Variants in SH2D3C observed in about 807,000 individuals in gnomAD.
The protein encoded by SH2D3C is SH2 domain containing 3C.
In SH2D3C, 25 loss-of-function variants were observed where a neutral mutation model predicts 75.2. The observed-to-expected ratio is 0.33, with a 90% CI of 0.24 to 0.46. The LOEUF (loss-of-function observed/expected upper bound fraction) is 0.46, where lower values mean the gene tolerates loss of function less well. Among genes scored for constraint, SH2D3C ranks in the 20% least tolerant of loss-of-function variants. The pLI, the probability that SH2D3C is intolerant of heterozygous loss-of-function variation, is 1.00. For synonymous variants in SH2D3C, 450 were observed against 473.7 expected (o/e 0.95, Z 0.65); for missense variants, 933 against 1,165.3 (o/e 0.80, Z 2.90).
In SH2D3C at chr9:127,751,090, G is replaced by T; in HGVS notation, c.684+82C>A. 1.4e-6 allele frequency: 2 copies of T among 1,416,932 alleles called. No individual in the cohort carries two copies. The highest frequency in any genetic ancestry group is 1.4e-5 in the African/African-American group (1 of 70,852). 87.8% of individuals were successfully genotyped at this position (1,416,932 alleles called of 1,614,324 possible). A position where few individuals can be genotyped will look rare whatever the true frequency, so the allele number is the denominator to read the frequency against. ...CCAAGCAACAGGTCAGAGCCTCCCA[G>T]GTGGCTGCAGCCAGGGCTGGGGCTG... On this transcript the variant is annotated intron_variant, in intron 4 of 11. Transcript: ENST00000314830. This position sits in a 1 kb window ranked among gnomAD's most constrained non-coding sequence, Gnocchi z 4.1.
intron 2 of SH2D3C, chr9:127,771,086 C>G: frequency 6.3e-6 from 6 of 947,690 alleles, no homozygotes; most frequent in Non-Finnish European, 9.2e-6. Flanking sequence ...TGATGCTAAC[C>G]CCGCCCCCAA....
chr9:127,764,582 C>G (rs1405791389), intron 2 of SH2D3C, among the ~76,000 whole-genome samples: 4 of 152,206 alleles, frequency 2.6e-5, no homozygotes, highest in East Asian at 1.9e-4. Context: ...CACACTCCCC[C>G]TCACCTGCGC....
At chr9:127,763,206 C>T (rs1216387765) in intron 2 of SH2D3C, among the ~76,000 whole-genome samples, 1 of 152,216 alleles carries the variant, frequency 6.6e-6, no homozygotes, top group Non-Finnish European at 1.5e-5. Flanking sequence ...GAGAAGCCTT[C>T]CCTGACCTCC....
chr9:127,747,404 G>C, intron 5 of SH2D3C, 133 bp from the exon 6 acceptor site: 1 of 825,496 alleles, frequency 1.2e-6, no homozygotes, highest in Non-Finnish European at 1.8e-6. Flanking sequence ...CCAACCTCCC[G>C]ACTGACAGGT....
At chr9:127,765,335 T>G (rs1845613824) in intron 2 of SH2D3C, among the ~76,000 whole-genome samples, 1 of 152,238 alleles carries the variant, frequency 6.6e-6, no homozygotes, top group Admixed American at 6.5e-5. Context: ...ATGCAGGGAC[T>G]AGCTCCTCTC....
At chr9:127,767,610 C>T (rs561046191) in intron 2 of SH2D3C, among the ~76,000 whole-genome samples, 1 of 152,296 alleles carries the variant, frequency 6.6e-6, no homozygotes, top group East Asian at 1.9e-4. Context: ...CCTGAGAGGG[C>T]CCTCGGCTGG....
At chr9:127,752,775 G>C (rs2131764991) in intron 3 of SH2D3C, among the ~76,000 whole-genome samples, 1 of 152,278 alleles carries the variant, frequency 6.6e-6, no homozygotes, top group South Asian at 2.1e-4. Context: ...AGGACCCAAG[G>C]TGGCCTCTGC....
rs774581895 is a variant in SH2D3C at position 127,749,291 on chromosome 9, G to T, written c.1059C>A (p.Ser353Arg). 1.2e-5 allele frequency: 19 copies of T among 1,609,056 alleles called. No homozygotes were observed. The highest frequency in any genetic ancestry group is 1.4e-5 in the Non-Finnish European group (17 of 1,177,348). The part of the protein sequence containing the change: ...SPVSPSGPKG[S>R]HMKRRSVTMT... The stretch of plus-strand genomic sequence containing the variant: ...TGGTGACGCTGCGCCGCTTCATGTG[G>T]CTGCCCTTGGGGCCTGAGGGGCTGA... Residue 353 changes from serine (S) to arginine (R), a missense_variant, in exon 5 of 12, where the codon AGC (serine) becomes AGA (arginine). Ser to Arg is a moderately radical substitution (Grantham distance 110). Coordinates refer to ENST00000314830, the MANE Select transcript of SH2D3C (RefSeq NM_170600.3). This position sits in a 1 kb window ranked among gnomAD's most constrained non-coding sequence, Gnocchi z 5.9.
chr9:127,755,059 G>A (rs1845332871), intron 3 of SH2D3C: 1 of 1,171,638 alleles, frequency 8.5e-7, no homozygotes, highest in East Asian at 3.7e-5. Flanking sequence ...CGCGTGGCGG[G>A]GGCCGAGCCG....
In SH2D3C at chr9:127,774,389, A is replaced by G. The variant is rs770570265; in HGVS notation, c.116T>C (p.Ile39Thr). 19 of 1,613,822 alleles carry G rather than the reference A, an allele frequency of 1.2e-5. No homozygotes were observed. The highest frequency in any genetic ancestry group is 1.6e-5 in the Non-Finnish European group (19 of 1,179,848). Reference protein sequence around the residue: ...SFTLRRSSASISRQSHLEPDT... With the variant: ...SFTLRRSSASTSRQSHLEPDT... Reference sequence around the variant, plus strand: ...AGGCTCCAAATGGGACTGCCTACTGATGGAAGCTGAGGATCGTCTCAGAGT... The same window carrying G: ...AGGCTCCAAATGGGACTGCCTACTGGTGGAAGCTGAGGATCGTCTCAGAGT... The change falls in exon 2 of 12, where the codon ATC becomes ACC. Residue 39 changes from isoleucine (I) to threonine (T), a missense_variant. Coordinates refer to ENST00000314830, the MANE Select transcript of SH2D3C (RefSeq NM_170600.3). The surrounding 1 kb of genome is among the most constrained non-coding windows in gnomAD (Gnocchi z 4.3).
At chr9:127,778,239 C>T (rs1238477512) in intron 1 of SH2D3C, among the ~76,000 whole-genome samples, 11 of 150,922 alleles carry the variant, frequency 7.3e-5, no homozygotes, top group Admixed American at 4.0e-4. Flanking sequence ...CCACCAGCCT[C>T]GGCCTCCCAA....
chr9:127,770,984 C>A (rs902499588), intron 2 of SH2D3C, among the ~76,000 whole-genome samples: 1 of 152,186 alleles, frequency 6.6e-6, no homozygotes, highest in African/African-American at 2.4e-5. Context: ...AGTAGTACCT[C>A]CCTCCTGGGG....
chr9:127,743,898 C>T (rs558058866), intron 7 of SH2D3C, among the ~76,000 whole-genome samples: 194 of 151,402 alleles, frequency 1.3e-3, no homozygotes, highest in African/African-American at 4.6e-3. Flanking sequence ...GCGGTGGGGG[C>T]AGAGAGTCAG....
chr9:127,771,853 A>G (rs1285101554), intron 2 of SH2D3C, among the ~76,000 whole-genome samples: 1 of 152,260 alleles, frequency 6.6e-6, no homozygotes, highest in African/African-American at 2.4e-5. Flanking sequence ...AGTTCTACTA[A>G]TCGTAAATAC....
Position 127,771,426 on chromosome 9 carries a change from C to G in SH2D3C, c.515+2564G>C, listed in dbSNP as rs1054050079. 2.1e-5 allele frequency: 26 copies of G among 1,258,866 alleles called. No individual in the cohort carries two copies. The East Asian group carries it at 5.0e-4, about 24-fold the overall frequency. 78.0% of individuals were successfully genotyped at this position (1,258,866 alleles called of 1,614,324 possible). On this transcript the variant is annotated intron_variant, in intron 2 of 11. Transcript: ENST00000314830. Reference sequence around the variant, plus strand: ...CGCCTACTCCACCGGCAGGGAAGGACGCTCTCCGCCTCGAACACGGCCCTC... The same window carrying G: ...CGCCTACTCCACCGGCAGGGAAGGAGGCTCTCCGCCTCGAACACGGCCCTC...
Position 127,739,021 on chromosome 9 carries a change from C to T in SH2D3C, c.2408-100G>A, listed in dbSNP as rs1011872167. 2.1e-5 allele frequency: 23 copies of T among 1,078,328 alleles called. No homozygotes were observed. Among genetic ancestry groups the T allele is most frequent in the Non-Finnish European group, 2.5e-5 (20 of 791,400 alleles). 66.8% of individuals were successfully genotyped at this position (1,078,328 alleles called of 1,614,324 possible). On this transcript the variant is annotated intron_variant, in intron 11 of 11. Coordinates refer to ENST00000314830, the MANE Select transcript of SH2D3C (RefSeq NM_170600.3). This position sits in a 1 kb window ranked among gnomAD's most constrained non-coding sequence, Gnocchi z 4.3. ...CCTGTTAGGGACCTCCCCTCAACTC[C>T]GCCAGGGATCCAACAAGGTTTGTGA...
Position 127,778,617 on chromosome 9 carries a change from C to A in SH2D3C, c.11G>T (p.Gly4Val), listed in dbSNP as rs1829083572. The A allele has an allele frequency of 6.2e-7, 1 of 1,613,924 alleles. No homozygotes were observed. The highest frequency in any genetic ancestry group is 8.5e-7 in the Non-Finnish European group (1 of 1,179,822). ...GAACTTTTTGCTGGTCTTCTTGGTC[C>A]CCTCTGTCATCTTGGCAAATTGTGT... MTEGTKKTSKKFKF... is the reference protein window; with the variant it reads MTEVTKKTSKKFKF... Residue 4 changes from glycine to valine, a missense_variant, in exon 1 of 12, where the codon GGG becomes GTG. Coordinates refer to ENST00000314830, the MANE Select transcript of SH2D3C (RefSeq NM_170600.3).
At chr9:127,745,250 C>CGATTG (rs1377359853) in intron 6 of SH2D3C, 151 bp from the exon 7 acceptor site, 1 of 594,012 alleles carries the variant, frequency 1.7e-6, no homozygotes, top group Non-Finnish European at 2.6e-6. Context: ...AGACCAGGGC[C>CGATTG]GATTGACTCT....
chr9:127,750,221 G>T lies in SH2D3C; in HGVS notation c.685-556C>A, dbSNP rs755922171. 6.6e-5 allele frequency among the ~76,000 whole-genome samples: 10 copies of T among 151,752 alleles called. No individual in the cohort carries two copies. In the South Asian group the frequency reaches 1.2e-3, roughly 19 times the overall value. On this transcript the variant is annotated intron_variant, in intron 4 of 11. Transcript: ENST00000314830. ...CTGTCACCCAGGCTGGAGTGAGGTG[G>T]CACACTCACTGCAACCTCCGCCTCC...
Sources: gnomAD v4.1 joint callset for allele counts (sites outside exome capture counted in the v4.1 genomes callset) on GRCh38, gnomAD v4.1.1 for gene constraint, Gnocchi (gnomAD v3.1) non-coding constraint, MANE v1.5 for transcripts, NCBI Gene and HGNC (gene_info 2026-07-23, HGNC 2026-07-21) for gene names.